DNAH12: variants seen among roughly 807,000 people sequenced by gnomAD.
The protein encoded by DNAH12 is axonemal beta dynein heavy chain 12.
DNAH12 carries 285 observed loss-of-function variants against 371.5 expected under a neutral mutation model. The observed-to-expected ratio is 0.77, with a 90% CI of 0.70 to 0.85. The LOEUF is 0.85. Ranked by LOEUF, DNAH12 falls within the 40% of genes least tolerant of loss-of-function variation. The pLI is 0.00. For missense variants in DNAH12, 3,611 were observed against 3,689.4 expected, an observed-to-expected ratio of 0.98 and a Z score of 0.55; for synonymous variants, 1,200 against 1,213.0, an observed-to-expected ratio of 0.99 and a Z score of 0.22.
chr3:57,503,524 G>A (rs2067636150), intron 9 of DNAH12, among the ~76,000 whole-genome samples: 1 of 151,842 alleles, frequency 6.6e-6, no homozygotes, highest in South Asian at 2.1e-4. Flanking sequence ...GAGTAGCTGG[G>A]AGTACAGGCA....
chr3:57,345,577 T>G (rs996987895), intron 60 of DNAH12, among the ~76,000 whole-genome samples: 33 of 152,192 alleles, frequency 2.2e-4, no homozygotes, highest in African/African-American at 7.5e-4. Flanking sequence ...TTTAAGTGGA[T>G]AATTGTAACA....
rs1386514582 is a variant in DNAH12, at chr3:57,310,798, G to T, written c.10815C>A (p.Asn3605Lys). 2.6e-6 allele frequency: 4 copies of T among 1,551,576 alleles called. No individual in the cohort carries two copies. Among genetic ancestry groups the T allele is most frequent in the South Asian group, 1.2e-5 (1 of 84,058 alleles). ...CACTGGGAGAAAACTTATAATGAGG[G>T]TTTTCAACTATGTACAGATTATAAA... ...ADFYNLYIVE[N>K]PHYKFSPSGN... Residue 3605 changes from asparagine (N) to lysine (K), a missense_variant, in exon 67 of 74, where the codon AAC (asparagine) becomes AAA (lysine). Asn to Lys is a moderately conservative substitution (Grantham distance 94, BLOSUM62 0). Around this residue, in one of 3 missense-constraint regions of DNAH12, gnomAD observed 2,266 missense variants for 2,236.9 expected, o/e 1.01. Transcript: ENST00000495027.
chr3:57,391,385 C>T (rs2153347160), intron 45 of DNAH12, among the ~76,000 whole-genome samples: 1 of 152,256 alleles, frequency 6.6e-6, no homozygotes, highest in Non-Finnish European at 1.5e-5. Flanking sequence ...TTGGCTCTTT[C>T]TGGATCCTGA....
intron 2 of DNAH12, among the ~76,000 whole-genome samples, chr3:57,529,925 T>C (rs1559755796): frequency 6.6e-6 from 1 of 152,138 alleles, no homozygotes; most frequent in Non-Finnish European, 1.5e-5. Context: ...GGTTTTCATA[T>C]GTTGCATTTC....
chr3:57,461,039 T>C (rs2066040563), intron 19 of DNAH12, among the ~76,000 whole-genome samples: 1 of 152,196 alleles, frequency 6.6e-6, no homozygotes, highest in Non-Finnish European at 1.5e-5. Context: ...TGAAATAATC[T>C]TGGAGCCTCA....
chr3:57,353,054 C>T (rs890025411), intron 59 of DNAH12, among the ~76,000 whole-genome samples: 4 of 151,828 alleles, frequency 2.6e-5, no homozygotes, highest in East Asian at 1.9e-4. Flanking sequence ...TCACTGCACT[C>T]GAGCCTGGGT....
chr3:57,535,305 G>A lies in DNAH12; in HGVS notation c.170+7396C>T, dbSNP rs1378939078. Among the ~76,000 whole-genome samples, 6 of 152,294 alleles carry A rather than the reference G, an allele frequency of 3.9e-5. No individual in the cohort carries two copies. The East Asian group carries it at 1.2e-3, about 29-fold the overall frequency. Reference sequence around the variant, plus strand: ...ATGAATTAATGGGTTAATGAGGGCTGTGCCCTCATGATTGGATCAATGTCA... The same window carrying A: ...ATGAATTAATGGGTTAATGAGGGCTATGCCCTCATGATTGGATCAATGTCA... On this transcript the variant is annotated intron_variant, in intron 2 of 73. Transcript: ENST00000495027.
At chr3:57,479,473 G>C (rs986187751) in intron 13 of DNAH12, among the ~76,000 whole-genome samples, 1 of 152,134 alleles carries the variant, frequency 6.6e-6, no homozygotes, top group African/African-American at 2.4e-5. Context: ...ATAATAATGG[G>C]AGACTTTAAA....
chr3:57,326,488 A>C (rs2061950598), intron 62 of DNAH12, among the ~76,000 whole-genome samples: 1 of 152,158 alleles, frequency 6.6e-6, no homozygotes, highest in Admixed American at 6.5e-5. Flanking sequence ...GAAATAAAAC[A>C]CTTTACAGAC....
At chr3:57,529,184 C>A (rs529198233) in intron 2 of DNAH12, among the ~76,000 whole-genome samples, 71 of 152,244 alleles carry the variant, frequency 4.7e-4, no homozygotes, top group African/African-American at 1.5e-3. Context: ...ATCTGTGATA[C>A]TGGCCTGCAG....
At chr3:57,466,068 TCACACACACACA>T (rs10616496) in intron 17 of DNAH12, among the ~76,000 whole-genome samples, 1 of 149,626 alleles carries the variant, frequency 6.7e-6, no homozygotes, top group Admixed American at 6.7e-5. Flanking sequence ...CACATGCAAT[TCACACACACACA>T]CACACACACA....
intron 11 of DNAH12, chr3:57,498,128 A>AT (rs1208802528): frequency 5.7e-6 from 1 of 174,384 alleles, no homozygotes; most frequent in Non-Finnish European, 1.2e-5. Flanking sequence ...CCACAGTGGG[A>AT]TACCAATATA....
In DNAH12 at chr3:57,323,294, TACTC is replaced by T. The variant is rs759665053; in HGVS notation, c.10130-38_10130-35del. On this transcript the variant is annotated intron_variant, in intron 63 of 73. Coordinates refer to ENST00000495027, the MANE Select transcript of DNAH12 (RefSeq NM_001366028.2). ...GGCACAAAAAAATGGTCACACTACT[TACTC>T]TAAAATTATAAAAAAGTGCCTTATG... The T allele has an allele frequency of 5.2e-6, 8 of 1,531,028 alleles. No individual in the cohort carries two copies. In the Admixed American group the frequency reaches 1.5e-4, roughly 28 times the overall value. The allele number at this position is 1,531,028 out of a possible 1,614,324, so 94.8% of individuals were successfully genotyped here.
chr3:57,433,614 A>G (rs1475579033), intron 31 of DNAH12, 31 bp downstream of exon 31: 4 of 1,532,528 alleles, frequency 2.6e-6, no homozygotes, highest in Admixed American at 4.1e-5. Flanking sequence ...ACTTTCCATA[A>G]GAGAGTTGGG....
intron 62 of DNAH12, among the ~76,000 whole-genome samples, chr3:57,330,323 A>T (rs376589325): frequency 1.3e-5 from 2 of 151,802 alleles, no homozygotes; most frequent in East Asian, 3.9e-4. Flanking sequence ...CAAATGTCCA[A>T]CAATGATAGA....
At chr3:57,314,036 C>A (rs1028993155) in intron 66 of DNAH12, among the ~76,000 whole-genome samples, 1 of 152,116 alleles carries the variant, frequency 6.6e-6, no homozygotes, top group Non-Finnish European at 1.5e-5. Context: ...TACCCAATAT[C>A]CTTTCAATAA....
At chr3:57,402,301 A>T in intron 43 of DNAH12, 2 of 953,198 alleles carry the variant, frequency 2.1e-6, no homozygotes, top group Non-Finnish European at 2.8e-6. Context: ...GAAGTCCAGC[A>T]ATTTCTCCCT....
chr3:57,497,633 C>T (rs1398071956), intron 11 of DNAH12, among the ~76,000 whole-genome samples: 1 of 152,212 alleles, frequency 6.6e-6, no homozygotes. Flanking sequence ...AACTATAAAA[C>T]TTCTAGACAA....
intron 10 of DNAH12, among the ~76,000 whole-genome samples, chr3:57,501,759 C>G (rs1037724965): frequency 6.6e-6 from 1 of 152,180 alleles, no homozygotes; most frequent in Non-Finnish European, 1.5e-5. Context: ...TAAAATTGAG[C>G]TACAGGCTCT....
Sources: allele counts gnomAD v4.1 joint callset (sites outside exome capture counted in the v4.1 genomes callset), GRCh38; gene constraint gnomAD v4.1.1; regional missense constraint gnomAD v4.1.1; transcripts MANE v1.5; gene names NCBI Gene and HGNC (gene_info 2026-07-23, HGNC 2026-07-21).